KIFC2: variants seen among roughly 807,000 people sequenced by gnomAD.
KIFC2 encodes kinesin family member C2.
In KIFC2, 94 loss-of-function variants were observed where a neutral mutation model predicts 91.5. The ratio of observed to expected loss-of-function variants is 1.03; its 90% CI spans 0.87 to 1.22. The LOEUF (loss-of-function observed/expected upper bound fraction) is 1.22, where lower values mean the gene tolerates loss of function less well. Ranked by LOEUF, KIFC2 falls within the 50% of genes most tolerant of loss-of-function variation. KIFC2 has a pLI of 0.00. For synonymous variants in KIFC2, 729 were observed against 503.9 expected (o/e 1.45, Z -5.98); for missense variants, 1,357 against 1,103.3 (o/e 1.23, Z -3.26).
Position 144,472,487 on chromosome 8 carries a change from A to G in KIFC2, c.1731+3A>G. ...CCAACCTGGAGACATTGCACCAGGT[A>G]GGGCTGCACCGCTCTCCGAGACCCC... On this transcript the variant is annotated splice_donor_region_variant and intron_variant, in intron 15 of 17. Transcript: ENST00000645548. The G allele has an allele frequency of 1.9e-6, 3 of 1,611,276 alleles. No individual in the cohort carries two copies. The South Asian group carries it at 3.3e-5, about 18-fold the overall frequency.
intron 7 of KIFC2, 105 bp from the exon 8 acceptor site, chr8:144,468,224 G>A (rs1824767196): frequency 2.6e-6 from 3 of 1,149,538 alleles, no homozygotes. Context: ...GGAGGCATGG[G>A]TTCACAGCCA....
Position 144,474,156 on chromosome 8 carries a change from C to T in KIFC2, c.*767C>T. On this transcript the variant is annotated 3_prime_UTR_variant, in exon 18 of 18. Transcript: ENST00000645548. ...TGGTGTTTCGAGGCTGCTGTGGTCG[C>T]AGACAGCCGCCTCGCCTTGGCTCCC... The T allele has an allele frequency of 8.0e-6, 9 of 1,128,226 alleles. No homozygotes were observed. The highest frequency in any genetic ancestry group is 1.1e-5 in the Non-Finnish European group (9 of 805,548). 69.9% of individuals were successfully genotyped at this position (1,128,226 alleles called of 1,614,324 possible).
In KIFC2 at chr8:144,472,145, C is replaced by T; in HGVS notation, c.1493C>T (p.Pro498Leu). The change falls in exon 14 of 18, where the codon CCT becomes CTT. Residue 498 changes from proline (P) to leucine (L), a missense_variant. By Grantham distance (98) the Pro-to-Leu change is moderately conservative. Transcript: ENST00000645548. ...ACCCCACCCCATCCTCAGGGCCCTC[C>T]TGAGGACCCCGGCATAGTTCCTAGG... ...TGKTYSMEGP[P>L]EDPGIVPRAL... 1.9e-6 allele frequency: 3 copies of T among 1,613,240 alleles called. No individual in the cohort carries two copies. Among genetic ancestry groups the T allele is most frequent in the Non-Finnish European group, 2.5e-6 (3 of 1,179,996 alleles).
chr8:144,466,674 C>T, intron 1 of KIFC2, 86 bp from the exon 2 acceptor site: 1 of 1,207,930 alleles, frequency 8.3e-7, no homozygotes, highest in African/African-American at 1.6e-5. Context: ...AGACTTCGGC[C>T]CCAATCCTCC....
At chr8:144,469,764 G>A in intron 12 of KIFC2, 117 bp downstream of exon 12, 2 of 1,309,676 alleles carry the variant, frequency 1.5e-6, no homozygotes, top group Non-Finnish European at 2.1e-6. Context: ...GAGGGTGGCT[G>A]GGCTCTAGCC....
chr8:144,468,442 T>C (rs1824782207), intron 8 of KIFC2, 36 bp downstream of exon 8: 2 of 1,451,104 alleles, frequency 1.4e-6, no homozygotes, highest in Admixed American at 2.1e-5. Context: ...GGCTCAGGGG[T>C]GAGGCGGGCT....
chr8:144,469,479 C>T lies in KIFC2; in HGVS notation c.1223-11C>T, dbSNP rs755131194. The stretch of plus-strand genomic sequence containing the variant: ...CTGCGAGGCATTATGCTGACCTGAT[C>T]CCCACTGCAGGAAATATCCGTGTGC... On this transcript the variant is annotated splice_polypyrimidine_tract_variant and intron_variant, in intron 11 of 17. Transcript: ENST00000645548. 9 of 1,613,862 alleles carry T rather than the reference C, an allele frequency of 5.6e-6. No homozygotes were observed. The African/African-American group carries it at 6.7e-5, about 12-fold the overall frequency.
At chr8:144,471,394 T>A (rs1824918605) in intron 12 of KIFC2, among the ~76,000 whole-genome samples, 1 of 151,422 alleles carries the variant, frequency 6.6e-6, no homozygotes. Flanking sequence ...CACTACAACC[T>A]CTGCTTCCTG....
chr8:144,469,251 G>T lies in KIFC2; in HGVS notation c.1114-20G>T. 6.4e-7 allele frequency: 1 copy of T among 1,563,348 alleles called. No homozygotes were observed. Among genetic ancestry groups the T allele is most frequent in the Non-Finnish European group, 8.7e-7 (1 of 1,152,526 alleles). ...CTCCTTGGCTGACCCCTTGCCTTCT[G>T]TACATCCCTGTTCCCTCAGGTGTCC... On this transcript the variant is annotated intron_variant, in intron 10 of 17. Transcript: ENST00000645548.
chr8:144,467,288 C>T lies in KIFC2; in HGVS notation c.416C>T (p.Ala139Val), dbSNP rs199646103. The part of the protein sequence containing the change: ...AWLRSPRGRQ[A>V]LLQGTQPAPR... The stretch of plus-strand genomic sequence containing the variant: ...CTTCGAAGCCCCAGGGGGAGGCAGG[C>T]CCTGCTCCAGGGGACTCAGCCAGCC... Residue 139 changes from alanine (A) to valine (V), a missense_variant, in exon 4 of 18, where the codon GCC becomes GTC. Physicochemically the swap from Ala to Val is moderately conservative, Grantham distance 64. Coordinates refer to ENST00000645548, the MANE Select transcript of KIFC2 (RefSeq NM_001369769.2). The T allele has an allele frequency of 5.6e-6, 9 of 1,613,110 alleles. No individual in the cohort carries two copies. The highest frequency in any genetic ancestry group is 2.2e-5 in the South Asian group (2 of 91,076).
chr8:144,466,592 G>T, intron 1 of KIFC2, 74 bp downstream of exon 1: 1 of 938,700 alleles, frequency 1.1e-6, no homozygotes, highest in Non-Finnish European at 1.4e-6. Context: ...TCCCGGGGCG[G>T]GGGCGGGCAC....
rs780140731 is a variant in KIFC2 at position 144,467,329 on chromosome 8, C to G, written c.457C>G (p.Pro153Ala). 2.5e-6 allele frequency: 4 copies of G among 1,607,938 alleles called. No homozygotes were observed. Among genetic ancestry groups the G allele is most frequent in the African/African-American group, 1.3e-5 (1 of 74,852 alleles). Residue 153 changes from proline (P) to alanine (A), a missense_variant, in exon 4 of 18, where the codon CCC becomes GCC. Physicochemically the swap from Pro to Ala is conservative, Grantham distance 27 (BLOSUM62 -1). Coordinates refer to ENST00000645548, the MANE Select transcript of KIFC2 (RefSeq NM_001369769.2). ...TCAGCCAGCCCCTCGGGTCCGGCCC[C>G]CCTCTCCAGATGGTGAGTAAAGGAC... The part of the protein sequence containing the change: ...GTQPAPRVRP[P>A]SPDGSTSQEE...
chr8:144,469,550 A>T lies in KIFC2; in HGVS notation c.1283A>T (p.Glu428Val), dbSNP rs1157288329. The T allele has an allele frequency of 2.5e-6, 4 of 1,613,688 alleles. No individual in the cohort carries two copies. The East Asian group carries it at 8.9e-5, about 36-fold the overall frequency. ...ACATCTTCTAGCCTTGTGAGTGTGG[A>T]GCCTGGCCCAGGGGGCACCGTCACC... is the stretch of plus-strand genomic sequence containing the variant. ...PGTSSSLVSV[E>V]PGPGGTVTTC... Residue 428 changes from glutamate to valine, a missense_variant, in exon 12 of 18, where the codon GAG (glutamate) becomes GTG (valine). By Grantham distance (121) the Glu-to-Val change is moderately radical (BLOSUM62 -2). Coordinates refer to ENST00000645548, the MANE Select transcript of KIFC2 (RefSeq NM_001369769.2).
chr8:144,473,202 T>C lies in KIFC2; in HGVS notation c.2189T>C (p.Val730Ala). 6 of 1,586,330 alleles carry C rather than the reference T, an allele frequency of 3.8e-6. No individual in the cohort carries two copies. The highest frequency in any genetic ancestry group is 5.1e-6 in the Non-Finnish European group (6 of 1,167,248). ...SLKFADRVGQ[V>A]ELGPARRRRV... is the part of the protein sequence containing the mutation. ...AAGTTCGCCGACCGAGTGGGTCAAGTGGAGCTGGGGCCAGCCCGGCGCCGC... is the reference window on the plus strand; with the variant it reads ...AAGTTCGCCGACCGAGTGGGTCAAGCGGAGCTGGGGCCAGCCCGGCGCCGC... Residue 730 changes from valine (V) to alanine (A), a missense_variant, in exon 18 of 18, where the codon GTG (valine) becomes GCG (alanine). Val to Ala is a moderately conservative substitution (Grantham distance 64). Transcript: ENST00000645548.
At chr8:144,467,370 A>C (rs1824710723) in intron 4 of KIFC2, 29 bp downstream of exon 4, 7 of 1,566,876 alleles carry the variant, frequency 4.5e-6, no homozygotes. Context: ...GTTGAAGAAG[A>C]ACTCTGGAGG....
chr8:144,468,448 G>C (rs565048488), intron 8 of KIFC2, 42 bp downstream of exon 8: 29 of 1,600,592 alleles, frequency 1.8e-5, no homozygotes, highest in Admixed American at 6.9e-5. Flanking sequence ...GGGGTGAGGC[G>C]GGCTGGGGTT....
At position 144,469,572 on chromosome 8, in the gene KIFC2, C is replaced by T. The variant is rs761665084; in HGVS notation, c.1305C>T (p.Val435=). Residue 435 remains valine, a synonymous_variant, in exon 12 of 18, where the codon GTC becomes GTT. Transcript: ENST00000645548. ...TGGAGCCTGGCCCAGGGGGCACCGTCACCACCTGCTACCGGGGGCGCCATC... is the reference window on the plus strand; with the variant it reads ...TGGAGCCTGGCCCAGGGGGCACCGTTACCACCTGCTACCGGGGGCGCCATC... The part of the protein sequence containing the change: ...VSVEPGPGGT[V]TTCYRGRHRR... 1.7e-5 allele frequency: 27 copies of T among 1,613,348 alleles called. No individual in the cohort carries two copies. Among genetic ancestry groups the T allele is most frequent in the Admixed American group, 1.0e-4 (6 of 59,974 alleles).
At chr8:144,468,695 C>T (rs765146008) in intron 9 of KIFC2, 30 bp from the exon 10 acceptor site, 1 of 1,613,338 alleles carries the variant, frequency 6.2e-7, no homozygotes, top group Non-Finnish European at 8.5e-7. Flanking sequence ...GGAGGCTGGG[C>T]CTTCCCTTCC....
At position 144,467,019 on chromosome 8, in the gene KIFC2, C is replaced by A. The variant is rs750806320; in HGVS notation, c.239C>A (p.Ser80Tyr). ...GAAEGRAAAV[S>Y]LEEALLRLAE... ...GCCGAGGGCCGCGCGGCCGCGGTGT[C>A]CCTGGAAGAGGCCCTACTGCGCCTC... The change falls in exon 3 of 18, where the codon TCC becomes TAC. Residue 80 changes from serine to tyrosine, a missense_variant. By Grantham distance (144) the Ser-to-Tyr change is moderately radical (BLOSUM62 -2). Coordinates refer to ENST00000645548, the MANE Select transcript of KIFC2 (RefSeq NM_001369769.2). The A allele has an allele frequency of 6.3e-7, 1 of 1,597,396 alleles. No homozygotes were observed. The highest frequency in any genetic ancestry group is 1.3e-5 in the African/African-American group (1 of 74,832).
Sources: gnomAD v4.1 joint callset for allele counts (sites outside exome capture counted in the v4.1 genomes callset) on GRCh38, gnomAD v4.1.1 for gene constraint, MANE v1.5 for transcripts, NCBI Gene and HGNC (gene_info 2026-07-23, HGNC 2026-07-21) for gene names.